MIER3: variants seen among roughly 807,000 people sequenced by gnomAD.
MIER3 encodes mesoderm induction early response protein 3.
MIER3 carries 9 observed loss-of-function variants against 63.2 expected under a neutral mutation model. That is an observed-to-expected ratio of 0.14 (90% CI 0.09 to 0.25). The LOEUF (loss-of-function observed/expected upper bound fraction) is 0.25. Ranked by LOEUF, MIER3 falls within the 10% of genes least tolerant of loss-of-function variation. The probability of loss-of-function intolerance (pLI) is 1.00; values close to 1 mark genes in which losing one functional copy is unlikely to be tolerated. For missense variants in MIER3, 512 were observed against 666.2 expected (o/e 0.77, Z 2.55); for synonymous variants, 205 against 224.9 (o/e 0.91, Z 0.79).
At position 56,938,240 on chromosome 5, in the gene MIER3, AG is replaced by A. The variant is rs575085377; in HGVS notation, c.316-543del. 20 of 471,154 alleles carry A rather than the reference AG, an allele frequency of 4.2e-5. No homozygotes were observed. The East Asian group carries it at 1.4e-3, about 33-fold the overall frequency. 29.2% of individuals were successfully genotyped at this position (471,154 alleles called of 1,614,324 possible). ...ACTTGTTGAATGACTATGGTCATTAAGGTCTGTGGTACATTAATATCACATT... is the reference window on the plus strand; with the variant it reads ...ACTTGTTGAATGACTATGGTCATTAAGTCTGTGGTACATTAATATCACATT... On this transcript the variant is annotated intron_variant, in intron 4 of 12. Transcript: ENST00000381199.
intron 8 of MIER3, among the ~76,000 whole-genome samples, chr5:56,933,032 G>T (rs1036881407): frequency 2.0e-5 from 3 of 152,050 alleles, no homozygotes; most frequent in Non-Finnish European, 4.4e-5. Flanking sequence ...CATATGTAAA[G>T]GTATTTTTTT....
chr5:56,940,507 C>T (rs1750608397), intron 3 of MIER3, among the ~76,000 whole-genome samples: 1 of 152,228 alleles, frequency 6.6e-6, no homozygotes, highest in South Asian at 2.1e-4. Flanking sequence ...ATGGAACTTA[C>T]ATAATTTATT....
intron 3 of MIER3, among the ~76,000 whole-genome samples, chr5:56,946,073 C>T (rs1295907919): frequency 6.6e-6 from 1 of 152,066 alleles, no homozygotes; most frequent in Non-Finnish European, 1.5e-5. Context: ...CTTCTGTTTC[C>T]CTGTGTATTA....
At chr5:56,936,639 T>G (rs374794884) in intron 5 of MIER3, among the ~76,000 whole-genome samples, 1 of 152,086 alleles carries the variant, frequency 6.6e-6, no homozygotes, top group African/African-American at 2.4e-5. Context: ...GCCTCCCAGA[T>G]AGCTGGGACT....
At position 56,923,079 on chromosome 5, in the gene MIER3, C is replaced by T; in HGVS notation, c.*49G>A. 1 of 1,527,210 alleles carries T rather than the reference C, an allele frequency of 6.5e-7. No homozygotes were observed. Among genetic ancestry groups the T allele is most frequent in the Non-Finnish European group, 9.0e-7 (1 of 1,112,212 alleles). 94.6% of individuals were successfully genotyped at this position (1,527,210 alleles called of 1,614,324 possible). ...AAGACTATGCAAACCTGATAGCTCC[C>T]CTCAAGTTTACTGGTGCTGCACACG... On this transcript the variant is annotated 3_prime_UTR_variant, in exon 13 of 13. Coordinates refer to ENST00000381199, the MANE Select transcript of MIER3 (RefSeq NM_001297599.2).
At chr5:56,938,476 C>T (rs1750530701) in intron 4 of MIER3, 1 of 429,282 alleles carries the variant, frequency 2.3e-6, no homozygotes, top group African/African-American at 2.0e-5. Context: ...GCTGCGGCCG[C>T]TGTCACTCCC....
chr5:56,937,760 C>T, intron 4 of MIER3, 62 bp from the exon 5 acceptor site: 5 of 1,448,648 alleles, frequency 3.5e-6, no homozygotes, highest in Non-Finnish European at 4.6e-6. Context: ...ATTAAGAAAA[C>T]TATCTTTTTA....
rs1427963977 is a variant in MIER3 at position 56,950,642 on chromosome 5, C to T, written c.20G>A (p.Gly7Glu). 4.3e-6 allele frequency: 7 copies of T among 1,613,640 alleles called. No homozygotes were observed. The highest frequency in any genetic ancestry group is 5.9e-6 in the Non-Finnish European group (7 of 1,179,818). Reference protein sequence around the residue: MAEASFGSSSPVGSLSS... With the variant: MAEASFESSSPVGSLSS... Reference sequence around the variant, plus strand: ...ATAGGACAAACCTGGGCTCGAACTTCCAAAAGAAGCCTAGGAGAGAGAGAA... The same window carrying T: ...ATAGGACAAACCTGGGCTCGAACTTTCAAAAGAAGCCTAGGAGAGAGAGAA... The change falls in exon 2 of 13, where the codon GGA becomes GAA. Residue 7 changes from glycine (G) to glutamate (E), a missense_variant. By Grantham distance (98) the Gly-to-Glu change is moderately conservative (BLOSUM62 -2). Coordinates refer to ENST00000381199, the MANE Select transcript of MIER3 (RefSeq NM_001297599.2).
intron 10 of MIER3, among the ~76,000 whole-genome samples, chr5:56,925,847 T>C (rs1015484760): frequency 1.3e-5 from 2 of 151,730 alleles, no homozygotes; most frequent in Non-Finnish European, 2.9e-5. Context: ...CAAGATTTAC[T>C]ATAAAGCTAT....
rs144855382 is a variant in MIER3, at chr5:56,935,309, C to T, written c.595+119G>A. 603 of 760,426 alleles carry T rather than the reference C, an allele frequency of 7.9e-4. 3 individuals carry two copies. In the African/African-American group the frequency reaches 9.4e-3, roughly 12 times the overall value. The allele number at this position is 760,426 out of a possible 1,614,324, so 47.1% of individuals were successfully genotyped here. On this transcript the variant is annotated intron_variant, in intron 7 of 12. Coordinates refer to ENST00000381199, the MANE Select transcript of MIER3 (RefSeq NM_001297599.2). ...GTCAGGCCTAAAAATCCTAACTCTGCATGTTTCCCAAATCTATCTATCTAT... is the reference window on the plus strand; with the variant it reads ...GTCAGGCCTAAAAATCCTAACTCTGTATGTTTCCCAAATCTATCTATCTAT...
intron 3 of MIER3, among the ~76,000 whole-genome samples, chr5:56,943,105 G>A (rs368166488): frequency 1.3e-5 from 2 of 152,030 alleles, no homozygotes; most frequent in Admixed American, 6.6e-5. Flanking sequence ...TGATGATACC[G>A]CTGCACTCTA....
intron 3 of MIER3, among the ~76,000 whole-genome samples, chr5:56,939,306 T>G (rs1272757158): frequency 6.6e-6 from 1 of 152,230 alleles, no homozygotes; most frequent in East Asian, 1.9e-4. Flanking sequence ...GCCTTTTTTT[T>G]TGCTTTCAAG....
Position 56,952,082 on chromosome 5 carries a change from T to C in MIER3, c.9+12A>G. 1 of 1,297,948 alleles carries C rather than the reference T, an allele frequency of 7.7e-7. No individual in the cohort carries two copies. Among genetic ancestry groups the C allele is most frequent in the Non-Finnish European group, 1.0e-6 (1 of 1,004,902 alleles). The allele number at this position is 1,297,948 out of a possible 1,614,324, so 80.4% of individuals were successfully genotyped here. A position where few individuals can be genotyped will look rare whatever the true frequency, so the allele number is the denominator to read the frequency against. ...TCCAGCCCGGCTGCTCCTGCCCGGTTTCCCTGCTCACCTCCGCCATATTGG... is the reference window on the plus strand; with the variant it reads ...TCCAGCCCGGCTGCTCCTGCCCGGTCTCCCTGCTCACCTCCGCCATATTGG... On this transcript the variant is annotated intron_variant, in intron 1 of 12. Transcript: ENST00000381199.
intron 3 of MIER3, among the ~76,000 whole-genome samples, chr5:56,946,446 A>G (rs1371977511): frequency 6.6e-6 from 1 of 152,134 alleles, no homozygotes; most frequent in South Asian, 2.1e-4. Flanking sequence ...TTAAAGGAGC[A>G]GGGGATGGGA....
At chr5:56,925,572 G>C in intron 10 of MIER3, 1 of 208,670 alleles carries the variant, frequency 4.8e-6, no homozygotes, top group Non-Finnish European at 9.8e-6. Context: ...ATCTGTATGA[G>C]AAAAACTACC....
At chr5:56,930,589 A>C (rs1180156442) in intron 9 of MIER3, 75 bp downstream of exon 9, 1 of 1,212,738 alleles carries the variant, frequency 8.2e-7, no homozygotes, top group African/African-American at 1.5e-5. Context: ...TCTGTCCCTT[A>C]GGATACTTTG....
chr5:56,930,958 T>G (rs79411885), intron 8 of MIER3, among the ~76,000 whole-genome samples: 1 of 152,152 alleles, frequency 6.6e-6, no homozygotes, highest in Non-Finnish European at 1.5e-5. Flanking sequence ...TTCATCCTCA[T>G]GCTACCTCTC....
At chr5:56,943,432 A>T (rs1020941403) in intron 3 of MIER3, among the ~76,000 whole-genome samples, 1 of 152,160 alleles carries the variant, frequency 6.6e-6, no homozygotes, top group South Asian at 2.1e-4. Context: ...ACAGGAGGGA[A>T]AGAATAATAT....
chr5:56,948,075 TAA>T (rs1299377235), intron 2 of MIER3, among the ~76,000 whole-genome samples: 1 of 152,190 alleles, frequency 6.6e-6, no homozygotes, highest in East Asian at 1.9e-4. Flanking sequence ...ATACTCAACA[TAA>T]AAAGTTTAAT....
Sources: gnomAD v4.1 joint callset for allele counts (sites outside exome capture counted in the v4.1 genomes callset) on GRCh38, gnomAD v4.1.1 for gene constraint, MANE v1.5 for transcripts, NCBI Gene and HGNC (gene_info 2026-07-23, HGNC 2026-07-21) for gene names.